Variants in NFASC observed in about 807,000 individuals in gnomAD.
NFASC encodes neurofascin homolog.
A neutral mutation model predicts 147.5 loss-of-function variants in NFASC; 43 were observed. That is an observed-to-expected ratio of 0.29 (90% CI 0.23 to 0.38). The LOEUF (loss-of-function observed/expected upper bound fraction) is 0.38, where lower values mean the gene tolerates loss of function less well. NFASC is among the 10% of genes least tolerant of loss of function. The probability of loss-of-function intolerance (pLI) is 1.00; values close to 1 mark genes in which losing one functional copy is unlikely to be tolerated. For missense variants in NFASC, 1,320 were observed against 1,689.0 expected (o/e 0.78, Z 3.83); for synonymous variants, 622 against 665.5 (o/e 0.93, Z 1.01).
At chr1:204,918,995 C>T (rs1371187007) in intron 1 of NFASC, among the ~76,000 whole-genome samples, 2 of 152,042 alleles carry the variant, frequency 1.3e-5, no homozygotes, top group African/African-American at 4.8e-5. Context: ...CTGTCCCCTG[C>T]ACTTCTTGTC....
intron 8 of NFASC, among the ~76,000 whole-genome samples, chr1:204,963,483 A>G (rs6697337): frequency 0.12 from 18,748 of 152,180 alleles, 1,483 homozygotes; most frequent in African/African-American, 0.22. Context: ...GATAAGCCAT[A>G]CAGGGGAACG....
At chr1:204,936,041 C>A (rs1320390191) in intron 2 of NFASC, among the ~76,000 whole-genome samples, 1 of 152,060 alleles carries the variant, frequency 6.6e-6, no homozygotes, top group Non-Finnish European at 1.5e-5. Flanking sequence ...CTGTTGGCAG[C>A]TCTGGGGAGA....
chr1:204,894,828 A>G (rs368983285), intron 1 of NFASC, among the ~76,000 whole-genome samples: 1 of 151,946 alleles, frequency 6.6e-6, no homozygotes, highest in Non-Finnish European at 1.5e-5. Flanking sequence ...TCATCTGCTC[A>G]CCTCTGCTGA....
intron 1 of NFASC, among the ~76,000 whole-genome samples, chr1:204,829,952 T>C (rs1671718470): frequency 6.6e-6 from 1 of 151,868 alleles, no homozygotes; most frequent in Non-Finnish European, 1.5e-5. Flanking sequence ...GCAGCCCCCA[T>C]CCTGTCCTGA....
Position 205,021,280 on chromosome 1 carries a change from C to T in NFASC, c.*4741C>T, listed in dbSNP as rs2096399033. 1 of 152,592 alleles carries T rather than the reference C, an allele frequency of 6.6e-6. No individual in the cohort carries two copies. The highest frequency in any genetic ancestry group is 6.6e-5 in the Admixed American group (1 of 15,258). 9.5% of individuals were successfully genotyped at this position (152,592 alleles called of 1,614,324 possible). ...CCTTCCTTACTAATAATGGGCCTTCCTGAGACACATTCAGAGAAGGATCAG... is the reference window on the plus strand; with the variant it reads ...CCTTCCTTACTAATAATGGGCCTTCTTGAGACACATTCAGAGAAGGATCAG... On this transcript the variant is annotated 3_prime_UTR_variant, in exon 30 of 30. Transcript: ENST00000339876.
At chr1:204,866,394 T>C (rs2077111057) in intron 1 of NFASC, among the ~76,000 whole-genome samples, 1 of 152,190 alleles carries the variant, frequency 6.6e-6, no homozygotes, top group African/African-American at 2.4e-5. Context: ...CTTTTGGAGC[T>C]ATGCCGAGCC....
At chr1:204,993,660 G>C (rs2095788981) in intron 24 of NFASC, 1 of 456,024 alleles carries the variant, frequency 2.2e-6, no homozygotes, top group Non-Finnish European at 4.4e-6. Flanking sequence ...GAGAGTCTCT[G>C]CCCGCTGTCC....
chr1:205,000,892 A>G, intron 25 of NFASC: 1 of 498,752 alleles, frequency 2.0e-6, no homozygotes, highest in Non-Finnish European at 3.6e-6. Flanking sequence ...GGACACAGTC[A>G]GTTTCCAGCT....
intron 8 of NFASC, among the ~76,000 whole-genome samples, chr1:204,958,153 C>G (rs1235418974): frequency 6.6e-6 from 1 of 152,154 alleles, no homozygotes; most frequent in Non-Finnish European, 1.5e-5. Context: ...TATGAGCCCT[C>G]CAGGTAATTC....
intron 1 of NFASC, among the ~76,000 whole-genome samples, chr1:204,867,925 G>A (rs1294391931): frequency 6.6e-6 from 1 of 152,212 alleles, no homozygotes; most frequent in Non-Finnish European, 1.5e-5. Context: ...GGGTCATCCT[G>A]GGGTCTCAGC....
chr1:204,925,501 C>T (rs968709032), intron 2 of NFASC, among the ~76,000 whole-genome samples: 1 of 152,200 alleles, frequency 6.6e-6, no homozygotes, highest in South Asian at 2.1e-4. Flanking sequence ...GTTTGTCATT[C>T]ACCAGTTTAT....
chr1:204,898,098 G>A (rs1487359212), intron 1 of NFASC, among the ~76,000 whole-genome samples: 1 of 152,166 alleles, frequency 6.6e-6, no homozygotes, highest in Non-Finnish European at 1.5e-5. Context: ...GCCCAGACTG[G>A]TCTTGAACTC....
chr1:204,954,311 G>A lies in NFASC; in HGVS notation c.339G>A (p.Glu113=). ...FRSGGRPEEY[E]GEYQCFARNK... ...GTGGCGGGCGGCCGGAGGAATATGA[G>A]GGGGAATATCAGTGCTTCGCCCGCA... The change falls in exon 6 of 30, where the codon GAG becomes GAA. Residue 113 remains glutamate (E), a synonymous_variant. Coordinates refer to ENST00000339876, the MANE Select transcript of NFASC (RefSeq NM_001005388.3). The surrounding 1 kb of genome is among the most constrained non-coding windows in gnomAD (Gnocchi z 5.7). 6.8e-6 allele frequency: 11 copies of A among 1,614,224 alleles called. No individual in the cohort carries two copies. Among genetic ancestry groups the A allele is most frequent in the Non-Finnish European group, 8.5e-6 (10 of 1,180,038 alleles).
chr1:204,967,080 T>C (rs2094990608), intron 8 of NFASC, among the ~76,000 whole-genome samples: 1 of 152,122 alleles, frequency 6.6e-6, no homozygotes, highest in South Asian at 2.1e-4. Context: ...TCACCCCAGG[T>C]GTCTCTGAGG....
At chr1:204,995,355 T>A (rs1225569587) in intron 24 of NFASC, among the ~76,000 whole-genome samples, 1 of 143,410 alleles carries the variant, frequency 7.0e-6, no homozygotes, top group African/African-American at 2.6e-5. Flanking sequence ...TGTGTGTGTA[T>A]GTGTGTCGGT....
intron 1 of NFASC, among the ~76,000 whole-genome samples, chr1:204,877,862 A>G (rs1463902765): frequency 6.6e-6 from 1 of 152,190 alleles, no homozygotes; most frequent in Admixed American, 6.5e-5. Flanking sequence ...CCCTCGCACC[A>G]GGACCCGGAG....
At chr1:204,969,432 C>T (rs183674380) in intron 10 of NFASC, among the ~76,000 whole-genome samples, 2 of 152,296 alleles carry the variant, frequency 1.3e-5, no homozygotes, top group South Asian at 2.1e-4. Flanking sequence ...TTCCTTCCCC[C>T]CAAAGCAAAG....
At position 204,952,130 on chromosome 1, in the gene NFASC, AAAAAG is replaced by A; in HGVS notation, c.215+16_215+20del. ...CCCTGCCCCCAGGTGAGTGAAGGGG[AAAAAG>A]AGTGCATTGAAACCACCCGCTTGCC... On this transcript the variant is annotated intron_variant, in intron 5 of 29. Coordinates refer to ENST00000339876, the MANE Select transcript of NFASC (RefSeq NM_001005388.3). The A allele has an allele frequency of 1.9e-6, 3 of 1,590,546 alleles. No homozygotes were observed. The highest frequency in any genetic ancestry group is 1.7e-6 in the Non-Finnish European group (2 of 1,159,372).
intron 23 of NFASC, chr1:204,989,275 T>C (rs2095671961): frequency 5.7e-6 from 1 of 175,224 alleles, no homozygotes; most frequent in Admixed American, 5.8e-5. Flanking sequence ...AGGATGACGC[T>C]GTTACTGGCA....
Sources: allele counts gnomAD v4.1 joint callset (sites outside exome capture counted in the v4.1 genomes callset), GRCh38; gene constraint gnomAD v4.1.1; non-coding constraint Gnocchi (gnomAD v3.1); transcripts MANE v1.5; gene names NCBI Gene and HGNC (gene_info 2026-07-23, HGNC 2026-07-21).